Variants in VASN observed in about 807,000 individuals in gnomAD.
VASN encodes vasorin, also known as protein slit-like 2.
VASN carries 5 observed loss-of-function variants against 4.8 expected under a neutral mutation model. That is an observed-to-expected ratio of 1.03 (90% CI 0.54 to 2.17). The LOEUF is 2.17. Ranked by LOEUF, VASN falls within the 30% of genes most tolerant of loss-of-function variation. The probability of loss-of-function intolerance (pLI) is 0.01; values close to 1 mark genes in which losing one functional copy is unlikely to be tolerated. For synonymous variants in VASN, 499 were observed against 460.8 expected (o/e 1.08, Z -1.06); for missense variants, 927 against 948.8 (o/e 0.98, Z 0.30).
In VASN at chr16:4,382,446, C is replaced by A. The variant is rs374250185; in HGVS notation, c.1569C>A (p.Thr523=). 1 of 1,609,610 alleles carries A rather than the reference C, an allele frequency of 6.2e-7. No individual in the cohort carries two copies. The highest frequency in any genetic ancestry group is 1.1e-5 in the South Asian group (1 of 90,504). The change falls in exon 2 of 2, where the codon ACC becomes ACA. Residue 523 remains threonine (T), a synonymous_variant. Transcript: ENST00000304735. ...CCTCGCTCGCTGAGTACACGGTCAC[C>A]CAGCTGCGGCCCAACGCCACTTACT... The part of the protein sequence containing the change: ...LPASLAEYTV[T]QLRPNATYSV...
intron 1 of VASN, among the ~76,000 whole-genome samples, chr16:4,374,983 C>G (rs543353634): frequency 9.9e-5 from 15 of 152,248 alleles, no homozygotes; most frequent in African/African-American, 3.4e-4. Context: ...GGGCCCAGCC[C>G]TGGTGGCATC....
chr16:4,374,141 C>T (rs998054889), intron 1 of VASN, among the ~76,000 whole-genome samples: 7 of 121,956 alleles, frequency 5.7e-5, no homozygotes, highest in African/African-American at 1.3e-4. Flanking sequence ...GTGTGTCTGG[C>T]GTGGGCGTGT....
chr16:4,378,574 G>A (rs2054835754), intron 1 of VASN, among the ~76,000 whole-genome samples: 1 of 152,178 alleles, frequency 6.6e-6, no homozygotes, highest in African/African-American at 2.4e-5. Flanking sequence ...TGGGGGAAGA[G>A]AAGGCTAGGG....
intron 1 of VASN, among the ~76,000 whole-genome samples, chr16:4,373,791 C>T (rs2054618088): frequency 6.6e-6 from 1 of 152,140 alleles, no homozygotes. Context: ...CTGCTGAGCC[C>T]AGGAGGGAGC....
chr16:4,375,010 G>A (rs893810139), intron 1 of VASN, among the ~76,000 whole-genome samples: 59 of 152,242 alleles, frequency 3.9e-4, no homozygotes, highest in African/African-American at 1.2e-3. Flanking sequence ...GCCGCGTGCC[G>A]AAAGTGGCAT....
chr16:4,374,161 C>A (rs982842625), intron 1 of VASN, among the ~76,000 whole-genome samples: 2 of 118,132 alleles, frequency 1.7e-5, no homozygotes, highest in South Asian at 5.9e-4. Flanking sequence ...TCTGTGTGCG[C>A]GTGACTGGAG....
chr16:4,382,923 G>A lies in VASN; in HGVS notation c.*24G>A. The A allele has an allele frequency of 6.8e-7, 1 of 1,473,180 alleles. No individual in the cohort carries two copies. The highest frequency in any genetic ancestry group is 9.0e-7 in the Non-Finnish European group (1 of 1,112,762). 91.3% of individuals were successfully genotyped at this position (1,473,180 alleles called of 1,614,324 possible). The stretch of plus-strand genomic sequence containing the variant: ...AAGCCAGAGAGAGACAGGGCAGCTG[G>A]GGCCGGGCTCTCAGCCAGTGAGATG... On this transcript the variant is annotated 3_prime_UTR_variant, in exon 2 of 2. Transcript: ENST00000304735.
At chr16:4,372,682 C>T (rs531069919) in intron 1 of VASN, among the ~76,000 whole-genome samples, 6 of 152,308 alleles carry the variant, frequency 3.9e-5, no homozygotes, top group African/African-American at 1.4e-4. Context: ...GCTGGCAGTG[C>T]TGGGGCCTGA....
rs368804987 is a variant in VASN, at chr16:4,378,010, A to T, written c.-9-2859A>T. 5.0e-4 allele frequency among the ~76,000 whole-genome samples: 76 copies of T among 152,164 alleles called. 3 individuals are homozygous for T. The South Asian group carries it at 0.015, about 31-fold the overall frequency. On this transcript the variant is annotated intron_variant, in intron 1 of 1. Transcript: ENST00000304735. ...CCCACAGCATCCCCTCTCCCTTCAC[A>T]ACCTTGCTGATTAAAGACCCAACAG...
rs757367342 is a variant in VASN, at chr16:4,382,559, C to G, written c.1682C>G (p.Ser561Cys). ...GCCCATACACCCCCAGCCGTCCACT[C>G]CAACCACGCCCCAGTCACCCAGGCC... Reference protein sequence around the residue: ...GEAHTPPAVHSNHAPVTQARE... With the variant: ...GEAHTPPAVHCNHAPVTQARE... Residue 561 changes from serine (S) to cysteine (C), a missense_variant, in exon 2 of 2, where the codon TCC becomes TGC. By Grantham distance (112) the Ser-to-Cys change is moderately radical. Coordinates refer to ENST00000304735, the MANE Select transcript of VASN (RefSeq NM_138440.3). 9 of 1,593,378 alleles carry G rather than the reference C, an allele frequency of 5.6e-6. No homozygotes were observed. Among genetic ancestry groups the G allele is most frequent in the African/African-American group, 1.3e-5 (1 of 74,422 alleles).
chr16:4,383,040 T>G lies in VASN; in HGVS notation c.*141T>G. On this transcript the variant is annotated 3_prime_UTR_variant, in exon 2 of 2. Transcript: ENST00000304735. ...GGGCTGTGTGACCACAGCTGGGCCCTGTTCCCTCTGGACCTCGGTCTCCTC... is the reference window on the plus strand; with the variant it reads ...GGGCTGTGTGACCACAGCTGGGCCCGGTTCCCTCTGGACCTCGGTCTCCTC... 3 of 937,582 alleles carry G rather than the reference T, an allele frequency of 3.2e-6. No homozygotes were observed. The highest frequency in any genetic ancestry group is 4.6e-6 in the Non-Finnish European group (3 of 649,416). 58.1% of individuals were successfully genotyped at this position (937,582 alleles called of 1,614,324 possible).
chr16:4,376,615 G>A (rs1208114405), intron 1 of VASN, among the ~76,000 whole-genome samples: 2 of 152,148 alleles, frequency 1.3e-5, no homozygotes, highest in African/African-American at 2.4e-5. Flanking sequence ...CCCCAGCCAT[G>A]CTATCCCCTG....
In VASN at chr16:4,382,929, G is replaced by C; in HGVS notation, c.*30G>C. The C allele has an allele frequency of 2.7e-6, 4 of 1,466,844 alleles. No homozygotes were observed. The highest frequency in any genetic ancestry group is 3.6e-6 in the Non-Finnish European group (4 of 1,109,230). 90.9% of individuals were successfully genotyped at this position (1,466,844 alleles called of 1,614,324 possible). Reference sequence around the variant, plus strand: ...GAGAGAGACAGGGCAGCTGGGGCCGGGCTCTCAGCCAGTGAGATGGCCAGC... The same window carrying C: ...GAGAGAGACAGGGCAGCTGGGGCCGCGCTCTCAGCCAGTGAGATGGCCAGC... On this transcript the variant is annotated 3_prime_UTR_variant, in exon 2 of 2. Transcript: ENST00000304735.
intron 1 of VASN, 57 bp from the exon 2 acceptor site, chr16:4,380,812 C>G: frequency 4.2e-6 from 6 of 1,418,466 alleles, no homozygotes; most frequent in Non-Finnish European, 5.5e-6. Flanking sequence ...CCTGGCGTGT[C>G]TGCCTTCTAG....
rs759073485 is a variant in VASN, at chr16:4,381,157, G to A, written c.280G>A (p.Gly94Arg). The change falls in exon 2 of 2, where the codon GGG becomes AGG. Residue 94 changes from glycine to arginine, a missense_variant. Coordinates refer to ENST00000304735, the MANE Select transcript of VASN (RefSeq NM_138440.3). ...GAACCAGATCGCCAGCCTGCCCAGC[G>A]GGGTCTTCCAGCCACTCGCCAACCT... ...SQNQIASLPS[G>R]VFQPLANLSN... 18 of 1,611,140 alleles carry A rather than the reference G, an allele frequency of 1.1e-5. No individual in the cohort carries two copies. Among genetic ancestry groups the A allele is most frequent in the East Asian group, 2.2e-5 (1 of 44,764 alleles).
Position 4,380,751 on chromosome 16 carries a change from T to C in VASN, c.-9-118T>C, listed in dbSNP as rs74003289. The C allele has an allele frequency of 1.4e-4, 162 of 1,157,040 alleles. No individual in the cohort carries two copies. The African/African-American group carries it at 2.2e-3, about 16-fold the overall frequency. 71.7% of individuals were successfully genotyped at this position (1,157,040 alleles called of 1,614,324 possible). A position where few individuals can be genotyped will look rare whatever the true frequency, so the allele number is the denominator to read the frequency against. ...GCACTGGCGACCTGACTCATAACCA[T>C]TGGGTTCTCTTGCATTTGGGGGCAG... is the stretch of plus-strand genomic sequence containing the variant. On this transcript the variant is annotated intron_variant, in intron 1 of 1. Coordinates refer to ENST00000304735, the MANE Select transcript of VASN (RefSeq NM_138440.3).
At position 4,382,710 on chromosome 16, in the gene VASN, C is replaced by G; in HGVS notation, c.1833C>G (p.Asp611Glu). 6.4e-7 allele frequency: 1 copy of G among 1,550,432 alleles called. No individual in the cohort carries two copies. The highest frequency in any genetic ancestry group is 2.0e-5 in the Admixed American group (1 of 51,160). The change falls in exon 2 of 2, where the codon GAC becomes GAG. Residue 611 changes from aspartate to glutamate, a missense_variant. Physicochemically the swap from Asp to Glu is conservative, Grantham distance 45. Coordinates refer to ENST00000304735, the MANE Select transcript of VASN (RefSeq NM_138440.3). ...GGGCCATGGCAGCAGCGGCTCAGGACAAAGGGCAGGTGGGGCCAGGGGCTG... is the reference window on the plus strand; with the variant it reads ...GGGCCATGGCAGCAGCGGCTCAGGAGAAAGGGCAGGTGGGGCCAGGGGCTG... Reference protein sequence around the residue: ...RGRAMAAAAQDKGQVGPGAGP... With the variant: ...RGRAMAAAAQEKGQVGPGAGP...
intron 1 of VASN, among the ~76,000 whole-genome samples, chr16:4,379,961 G>A (rs958379746): frequency 1.7e-4 from 25 of 151,350 alleles, no homozygotes; most frequent in Non-Finnish European, 7.4e-5. Flanking sequence ...GGGAGGCTGA[G>A]GCAGGAGAAT....
chr16:4,381,918 T>G lies in VASN; in HGVS notation c.1041T>G (p.Phe347Leu), dbSNP rs1351301021. ...RLLLELDYAD[F>L]GCPATTTTAT... Reference sequence around the variant, plus strand: ...TCCTGGAGCTTGACTACGCCGACTTTGGCTGCCCAGCCACCACCACCACAG... The same window carrying G: ...TCCTGGAGCTTGACTACGCCGACTTGGGCTGCCCAGCCACCACCACCACAG... The change falls in exon 2 of 2, where the codon TTT becomes TTG. Residue 347 changes from phenylalanine to leucine, a missense_variant. Phe to Leu is a conservative substitution (Grantham distance 22). Coordinates refer to ENST00000304735, the MANE Select transcript of VASN (RefSeq NM_138440.3). 1 of 1,606,724 alleles carries G rather than the reference T, an allele frequency of 6.2e-7. No individual in the cohort carries two copies. The highest frequency in any genetic ancestry group is 2.2e-5 in the East Asian group (1 of 44,736).
Sources: allele counts gnomAD v4.1 joint callset (sites outside exome capture counted in the v4.1 genomes callset), GRCh38; gene constraint gnomAD v4.1.1; transcripts MANE v1.5; gene names NCBI Gene and HGNC (gene_info 2026-07-23, HGNC 2026-07-21).